The following GRIA1 variants were observed in gnomAD, a reference collection of about 807,000 sequenced individuals.
GRIA1 encodes the protein glutamate ionotropic receptor AMPA type subunit 1.
In GRIA1, 31 loss-of-function variants were observed where a neutral mutation model predicts 99.2. The observed-to-expected ratio is 0.31, with a 90% CI of 0.23 to 0.42. The LOEUF is 0.42. GRIA1 is among the 10% of genes least tolerant of loss of function. The probability of loss-of-function intolerance (pLI) is 1.00; values close to 1 mark genes in which losing one functional copy is unlikely to be tolerated. For synonymous variants in GRIA1, 438 were observed against 432.4 expected (o/e 1.01, Z -0.16); for missense variants, 782 against 1,157.5 (o/e 0.68, Z 4.71).
chr5:153,494,844 G>A (rs973937363), intron 2 of GRIA1, among the ~76,000 whole-genome samples: 1 of 152,048 alleles, frequency 6.6e-6, no homozygotes, highest in Non-Finnish European at 1.5e-5. Flanking sequence ...TTCCCTTCAG[G>A]GATTAAGCTC....
intron 11 of GRIA1, among the ~76,000 whole-genome samples, chr5:153,709,379 G>A (rs889359206): frequency 6.6e-6 from 1 of 152,138 alleles, no homozygotes; most frequent in South Asian, 2.1e-4. Context: ...CATCTGAATT[G>A]CATATATCTG....
chr5:153,733,376 C>CA (rs1761172153), intron 11 of GRIA1, among the ~76,000 whole-genome samples: 2 of 151,780 alleles, frequency 1.3e-5, no homozygotes, highest in African/African-American at 4.8e-5. Flanking sequence ...ACAGTAGGTA[C>CA]AAAAAAGATA....
intron 2 of GRIA1, among the ~76,000 whole-genome samples, chr5:153,504,435 C>A (rs959190103): frequency 1.3e-5 from 2 of 151,736 alleles, no homozygotes; most frequent in African/African-American, 4.8e-5. Context: ...CATTTACTCT[C>A]TCTATATATA....
At chr5:153,610,924 TC>T (rs1765926405) in intron 2 of GRIA1, among the ~76,000 whole-genome samples, 1 of 152,220 alleles carries the variant, frequency 6.6e-6, no homozygotes, top group Non-Finnish European at 1.5e-5. Context: ...ATTTCTTATC[TC>T]AGTTCTGCAC....
intron 2 of GRIA1, among the ~76,000 whole-genome samples, chr5:153,545,457 G>A (rs745389334): frequency 6.6e-6 from 1 of 152,098 alleles, no homozygotes; most frequent in Non-Finnish European, 1.5e-5. Flanking sequence ...CTGACATACA[G>A]GAATAGTTGT....
intron 11 of GRIA1, among the ~76,000 whole-genome samples, chr5:153,746,544 T>C (rs931799462): frequency 3.3e-5 from 5 of 152,132 alleles, no homozygotes; most frequent in African/African-American, 7.2e-5. Context: ...AGAGATATGT[T>C]TGGCCACAGA....
chr5:153,556,360 A>T (rs1195585997), intron 2 of GRIA1, among the ~76,000 whole-genome samples: 3 of 152,158 alleles, frequency 2.0e-5, no homozygotes, highest in Non-Finnish European at 2.9e-5. Context: ...CCGACTTAAT[A>T]TGTCTCCTAG....
At chr5:153,747,329 G>A (rs1391466399) in intron 11 of GRIA1, among the ~76,000 whole-genome samples, 1 of 152,152 alleles carries the variant, frequency 6.6e-6, no homozygotes, top group Admixed American at 6.5e-5. Context: ...GATGGAGCAA[G>A]AACTCACTCA....
At chr5:153,696,793 T>G (rs1390749355) in intron 8 of GRIA1, among the ~76,000 whole-genome samples, 1 of 152,258 alleles carries the variant, frequency 6.6e-6, no homozygotes, top group East Asian at 1.9e-4. Flanking sequence ...CACAATTGTC[T>G]AAAGCAAATA....
At chr5:153,644,690 G>A (rs959960412) in intron 2 of GRIA1, among the ~76,000 whole-genome samples, 1 of 151,972 alleles carries the variant, frequency 6.6e-6, no homozygotes, top group African/African-American at 2.4e-5. Flanking sequence ...GACTGATGAG[G>A]GGTCACTATT....
chr5:153,755,815 T>C (rs1018769614), intron 11 of GRIA1: 13 of 152,196 alleles, frequency 8.5e-5, no homozygotes, highest in African/African-American at 2.7e-4. Flanking sequence ...GGTAGGAGAT[T>C]ATAAAACACT....
intron 11 of GRIA1, 83 bp from the exon 12 acceptor site, chr5:153,764,351 C>T (rs1763374085): frequency 2.9e-6 from 3 of 1,021,448 alleles, no homozygotes; most frequent in African/African-American, 1.6e-5. Flanking sequence ...TGCTGCCAAG[C>T]CCCGGACCCG....
intron 13 of GRIA1, among the ~76,000 whole-genome samples, chr5:153,783,966 G>A (rs760011217): frequency 3.9e-5 from 6 of 152,160 alleles, no homozygotes; most frequent in Non-Finnish European, 7.3e-5. Context: ...GTGGTGAAGT[G>A]TCCTAGGTAG....
intron 2 of GRIA1, among the ~76,000 whole-genome samples, chr5:153,568,768 A>G (rs949295377): frequency 1.4e-4 from 21 of 152,306 alleles, no homozygotes; most frequent in African/African-American, 4.8e-4. Context: ...TTCATTGCCT[A>G]GAGCTCTCCG....
chr5:153,578,158 A>T (rs1256378198), intron 2 of GRIA1, among the ~76,000 whole-genome samples: 5 of 136,290 alleles, frequency 3.7e-5, no homozygotes, highest in Admixed American at 7.7e-5. Context: ...CAAAAAAAAA[A>T]AAAAAAAAAA....
chr5:153,649,465 TTAGTTA>T (rs1754391780), intron 3 of GRIA1, among the ~76,000 whole-genome samples: 1 of 151,976 alleles, frequency 6.6e-6, no homozygotes, highest in Non-Finnish European at 1.5e-5. Context: ...AGTTAGTTAG[TTAGTTA>T]GTTGAGACAG....
intron 2 of GRIA1, among the ~76,000 whole-genome samples, chr5:153,611,585 G>T (rs1215474974): frequency 6.6e-6 from 1 of 152,208 alleles, no homozygotes; most frequent in Non-Finnish European, 1.5e-5. Context: ...TGGAAAACTG[G>T]TGGTCAGTGG....
intron 2 of GRIA1, among the ~76,000 whole-genome samples, chr5:153,516,555 A>G (rs575433598): frequency 1.9e-3 from 288 of 152,224 alleles, no homozygotes; most frequent in Non-Finnish European, 2.6e-3. Context: ...TCCCCTGTAC[A>G]CTGATGCCTT....
chr5:153,707,550 A>G (rs974979944), intron 11 of GRIA1, among the ~76,000 whole-genome samples: 29 of 152,162 alleles, frequency 1.9e-4, no homozygotes, highest in Non-Finnish European at 5.9e-5. Flanking sequence ...TCAAAAGCCT[A>G]CAGGGAGTCA....
Sources: gnomAD v4.1 joint callset for allele counts (sites outside exome capture counted in the v4.1 genomes callset) on GRCh38, gnomAD v4.1.1 for gene constraint, MANE v1.5 for transcripts, NCBI Gene and HGNC (gene_info 2026-07-23, HGNC 2026-07-21) for gene names.